NTNG2: variants seen among roughly 807,000 people sequenced by gnomAD.
The protein encoded by NTNG2 is netrin G2.
Under a neutral mutation model 47.6 loss-of-function variants are expected in NTNG2, and 15 were observed. The observed-to-expected ratio is 0.32, with a 90% CI of 0.21 to 0.49. NTNG2 has a LOEUF of 0.49. Ranked by LOEUF, NTNG2 falls within the 20% of genes least tolerant of loss-of-function variation. The pLI, the probability that NTNG2 is intolerant of heterozygous loss-of-function variation, is 0.99. For synonymous variants in NTNG2, 307 were observed against 324.6 expected (o/e 0.95, Z 0.58); for missense variants, 578 against 764.6 (o/e 0.76, Z 2.88).
At chr9:132,175,611 G>A (rs904331914) in intron 2 of NTNG2, among the ~76,000 whole-genome samples, 7 of 152,220 alleles carry the variant, frequency 4.6e-5, no homozygotes, top group African/African-American at 9.7e-5. Context: ...TGCAGGATCC[G>A]ATTTGTTTTT....
chr9:132,174,688 G>T (rs1352616028), intron 2 of NTNG2, among the ~76,000 whole-genome samples: 5 of 152,200 alleles, frequency 3.3e-5, no homozygotes, highest in Non-Finnish European at 7.3e-5. Flanking sequence ...GTGAGAGGCT[G>T]AGGTGGGCGG....
rs1842144093 is a variant in NTNG2, at chr9:132,244,290, G to A, written c.*2179G>A. ...ATAGTGAAGGGTGGAGCCGGGGGTG[G>A]AAGTTGCAGAGCCTGGGACACCTGC... On this transcript the variant is annotated 3_prime_UTR_variant, in exon 8 of 8. Transcript: ENST00000393229. 1 of 152,204 alleles carries A rather than the reference G, an allele frequency of 6.6e-6. No homozygotes were observed. The highest frequency in any genetic ancestry group is 6.5e-5 in the Admixed American group (1 of 15,282). The allele number at this position is 152,204 out of a possible 1,614,324, so 9.4% of individuals were successfully genotyped here. A position where few individuals can be genotyped will look rare whatever the true frequency, so the allele number is the denominator to read the frequency against.
chr9:132,189,255 G>A (rs1837674079), intron 2 of NTNG2, among the ~76,000 whole-genome samples: 1 of 150,888 alleles, frequency 6.6e-6, no homozygotes. Flanking sequence ...TTTCTTTTTT[G>A]TTTTTTGAGG....
At chr9:132,207,533 G>A (rs1325436691) in intron 3 of NTNG2, among the ~76,000 whole-genome samples, 4 of 152,158 alleles carry the variant, frequency 2.6e-5, no homozygotes, top group African/African-American at 4.8e-5. Context: ...ATAAGGGCCC[G>A]CCCTCCTGCA....
At chr9:132,199,062 G>A (rs12336280) in intron 3 of NTNG2, among the ~76,000 whole-genome samples, 15,857 of 152,172 alleles carry the variant, frequency 0.1, 2,484 homozygotes, top group African/African-American at 0.34. Flanking sequence ...ACATCATAGG[G>A]ACTGCCTAGG....
At chr9:132,230,430 TA>T in intron 4 of NTNG2, 141 bp from the exon 5 acceptor site, 1 of 718,642 alleles carries the variant, frequency 1.4e-6, no homozygotes, top group Non-Finnish European at 2.5e-6. Context: ...TCATGATTGC[TA>T]GCAGTTGTGT....
In NTNG2 at chr9:132,162,569, AGTGTGTGTGTGTGTGTGTGTGT is replaced by A. The variant is rs769570116; in HGVS notation, c.-484+357_-484+378del. ...GTGTGTGTGTGTGAGAGAGAGACAGAGTGTGTGTGTGTGTGTGTGTGTGTGTGTGTGTGTGTGTGTGTGTGTG... is the reference window on the plus strand; with the variant it reads ...GTGTGTGTGTGTGAGAGAGAGACAGAGTGTGTGTGTGTGTGTGTGTGTGTG... On this transcript the variant is annotated intron_variant, in intron 1 of 7. Coordinates refer to ENST00000393229, the MANE Select transcript of NTNG2 (RefSeq NM_032536.4). This position sits in a 1 kb window ranked among gnomAD's most constrained non-coding sequence, Gnocchi z 4.6. Among the ~76,000 whole-genome samples the A allele has an allele frequency of 7.8e-4, 88 of 112,468 alleles. No individual in the cohort carries two copies. The East Asian group carries it at 8.5e-3, about 11-fold the overall frequency. The allele number at this position is 112,468 out of a possible 152,430, so 73.8% of individuals were successfully genotyped here. A position where few individuals can be genotyped will look rare whatever the true frequency, so the allele number is the denominator to read the frequency against.
At chr9:132,227,678 C>G (rs904917536) in intron 4 of NTNG2, among the ~76,000 whole-genome samples, 3 of 152,194 alleles carry the variant, frequency 2.0e-5, no homozygotes, top group Non-Finnish European at 2.9e-5. Context: ...CGCACGTGCT[C>G]TCTGCCCACC....
intron 4 of NTNG2, among the ~76,000 whole-genome samples, chr9:132,227,243 G>A (rs1270954222): frequency 1.3e-5 from 2 of 152,200 alleles, no homozygotes; most frequent in Non-Finnish European, 2.9e-5. Context: ...ACACACGTGC[G>A]TGCATGCACC....
At chr9:132,164,791 G>A (rs1286109574) in intron 1 of NTNG2, among the ~76,000 whole-genome samples, 1 of 152,248 alleles carries the variant, frequency 6.6e-6, no homozygotes, top group Non-Finnish European at 1.5e-5. Context: ...TTCACCCAGA[G>A]AGAGGGGCAG....
At position 132,218,560 on chromosome 9, in the gene NTNG2, G is replaced by A. The variant is rs57430897; in HGVS notation, c.858-8289G>A. Among the ~76,000 whole-genome samples, 125 of 152,150 alleles carry A rather than the reference G, an allele frequency of 8.2e-4. 1 individual carries two copies. Among genetic ancestry groups the A allele is most frequent in the African/African-American group, 3.0e-3 (123 of 41,496 alleles). On this transcript the variant is annotated intron_variant, in intron 3 of 7. Transcript: ENST00000393229. The surrounding 1 kb of genome is among the most constrained non-coding windows in gnomAD (Gnocchi z 5.4). ...CCCCCAGGCTGGAGTGCAATGGCAT[G>A]ACCTCGGCCTACTGCAACCTCCACC... is the stretch of plus-strand genomic sequence containing the variant.
chr9:132,211,006 G>A (rs1016970840), intron 3 of NTNG2, among the ~76,000 whole-genome samples: 1 of 152,180 alleles, frequency 6.6e-6, no homozygotes, highest in African/African-American at 2.4e-5. Context: ...GAAGCACCCA[G>A]TCATAGACAC....
chr9:132,200,996 C>G (rs554899612), intron 3 of NTNG2, among the ~76,000 whole-genome samples: 7 of 152,372 alleles, frequency 4.6e-5, no homozygotes, highest in African/African-American at 1.7e-4. Context: ...AACCAGCTCC[C>G]CAGGCCCTGC....
At position 132,176,386 on chromosome 9, in the gene NTNG2, T is replaced by A. The variant is rs956623196; in HGVS notation, c.213+9342T>A. Among the ~76,000 whole-genome samples, 5 of 152,300 alleles carry A rather than the reference T, an allele frequency of 3.3e-5. 1 individual carries two copies. In the South Asian group the frequency reaches 1.0e-3, roughly 32 times the overall value. ...TGCCCCTGAAAACCACGCGTCTACTTTTTGTCTCCATGAATTTAGCTATGC... is the reference window on the plus strand; with the variant it reads ...TGCCCCTGAAAACCACGCGTCTACTATTTGTCTCCATGAATTTAGCTATGC... On this transcript the variant is annotated intron_variant, in intron 2 of 7. Transcript: ENST00000393229.
rs567576041 is a variant in NTNG2 at position 132,194,512 on chromosome 9, G to A, written c.214-3454G>A. Among the ~76,000 whole-genome samples, 7 of 152,272 alleles carry A rather than the reference G, an allele frequency of 4.6e-5. No homozygotes were observed. In the South Asian group the frequency reaches 1.5e-3, roughly 32 times the overall value. ...GAGTGAGGAAGCTGGGAACCCCCCCGCCCCATGTCCCTCTGCTGTCCTGGC... is the reference window on the plus strand; with the variant it reads ...GAGTGAGGAAGCTGGGAACCCCCCCACCCCATGTCCCTCTGCTGTCCTGGC... On this transcript the variant is annotated intron_variant, in intron 2 of 7. Coordinates refer to ENST00000393229, the MANE Select transcript of NTNG2 (RefSeq NM_032536.4).
At position 132,242,640 on chromosome 9, in the gene NTNG2, C is replaced by G. The variant is rs967113493; in HGVS notation, c.*529C>G. 1.3e-5 allele frequency: 2 copies of G among 152,278 alleles called. No homozygotes were observed. Among genetic ancestry groups the G allele is most frequent in the Non-Finnish European group, 2.9e-5 (2 of 68,090 alleles). 9.4% of individuals were successfully genotyped at this position (152,278 alleles called of 1,614,324 possible). A position where few individuals can be genotyped will look rare whatever the true frequency, so the allele number is the denominator to read the frequency against. On this transcript the variant is annotated 3_prime_UTR_variant, in exon 8 of 8. Transcript: ENST00000393229. The surrounding 1 kb of genome is among the most constrained non-coding windows in gnomAD (Gnocchi z 5.9). The stretch of plus-strand genomic sequence containing the variant: ...CAGACCCCAGGCCTCACCGGAGGCC[C>G]GGTGACCACGGAACTCACCGTCTGG...
chr9:132,194,798 C>T (rs1838158507), intron 2 of NTNG2, among the ~76,000 whole-genome samples: 1 of 152,248 alleles, frequency 6.6e-6, no homozygotes, highest in Non-Finnish European at 1.5e-5. Context: ...GCCCTGCCAC[C>T]GAGGAGCCCC....
chr9:132,241,299 G>T, intron 7 of NTNG2: 2 of 549,938 alleles, frequency 3.6e-6, no homozygotes, highest in Non-Finnish European at 6.3e-6. Flanking sequence ...GTTGGCAGGG[G>T]CCTGGTGAGA....
intron 3 of NTNG2, among the ~76,000 whole-genome samples, chr9:132,220,128 G>A (rs1048871722): frequency 1.3e-5 from 2 of 152,218 alleles, no homozygotes; most frequent in East Asian, 3.8e-4. Flanking sequence ...TTGGCCATTT[G>A]TATGCCTTCT....
Sources: allele counts gnomAD v4.1 joint callset (sites outside exome capture counted in the v4.1 genomes callset), GRCh38; gene constraint gnomAD v4.1.1; non-coding constraint Gnocchi (gnomAD v3.1); transcripts MANE v1.5; gene names NCBI Gene and HGNC (gene_info 2026-07-23, HGNC 2026-07-21).